CCDC57: variants seen among roughly 807,000 people sequenced by gnomAD.
The protein encoded by CCDC57 is coiled-coil domain containing 57, also known as coiled-coil domain-containing protein 57.
In CCDC57, 118 loss-of-function variants were observed where a neutral mutation model predicts 118.9. The ratio of observed to expected loss-of-function variants is 0.99; its 90% CI spans 0.86 to 1.16. CCDC57 has a LOEUF of 1.16. Ranked by LOEUF, CCDC57 falls within the 50% of genes most tolerant of loss-of-function variation. CCDC57 has a pLI of 0.00. For missense variants in CCDC57, 1,300 were observed against 1,320.7 expected, an observed-to-expected ratio of 0.98 and a Z score of 0.24; for synonymous variants, 527 against 532.9, an observed-to-expected ratio of 0.99 and a Z score of 0.15.
chr17:82,189,186 G>A (rs371857316), intron 7 of CCDC57, among the ~76,000 whole-genome samples: 110 of 152,082 alleles, frequency 7.2e-4, no homozygotes, highest in African/African-American at 1.6e-3. Context: ...GAGGACCACC[G>A]GAGCGTGGGA....
intron 1 of CCDC57, among the ~76,000 whole-genome samples, chr17:82,210,446 C>T (rs555229760): frequency 8.8e-4 from 133 of 150,548 alleles, no homozygotes; most frequent in Non-Finnish European, 1.5e-3. Context: ...CCAAGGCGGG[C>T]GGATCACTTG....
chr17:82,172,317 G>A lies in CCDC57; in HGVS notation c.1729+321C>T, dbSNP rs1407224300. Among the ~76,000 whole-genome samples, 1 of 152,192 alleles carries A rather than the reference G, an allele frequency of 6.6e-6. No homozygotes were observed. Among genetic ancestry groups the A allele is most frequent in the Admixed American group, 6.5e-5 (1 of 15,278 alleles). On this transcript the variant is annotated intron_variant, in intron 12 of 19. Transcript: ENST00000665763. The surrounding 1 kb of genome is among the most constrained non-coding windows in gnomAD (Gnocchi z 5.2). ...AAAGGACTGAGGTCCACCAGCCCCT[G>A]CTACCAACCCATTCTGGGACAGCGC...
intron 17 of CCDC57, among the ~76,000 whole-genome samples, chr17:82,130,202 A>G (rs1206446417): frequency 6.6e-6 from 1 of 150,876 alleles, no homozygotes; most frequent in African/African-American, 2.4e-5. Flanking sequence ...GTCTCAAAAC[A>G]TTTTTTTTTG....
chr17:82,199,477 C>CAAAAAAAA lies in CCDC57; in HGVS notation c.408-1063_408-1056dup, dbSNP rs55713414. 1.4e-4 allele frequency among the ~76,000 whole-genome samples: 12 copies of CAAAAAAAA among 87,718 alleles called. 1 individual carries two copies. Among genetic ancestry groups the CAAAAAAAA allele is most frequent in the East Asian group, 5.8e-4 (1 of 1,736 alleles). 57.5% of individuals were successfully genotyped at this position (87,718 alleles called of 152,430 possible). On this transcript the variant is annotated intron_variant, in intron 3 of 19. Coordinates refer to ENST00000665763, the Ensembl canonical transcript of CCDC57. ...TGGGCGACAGAGCAAGACTCTGTCTCAAAAAAAAAAAAAGAGTGTGAGACT... is the reference window on the plus strand; with the variant it reads ...TGGGCGACAGAGCAAGACTCTGTCTCAAAAAAAAAAAAAAAAAAAAAGAGTGTGAGACT...
rs1332910889 is a variant in CCDC57, at chr17:82,157,957, C to T, written c.2041-9G>A. 1.5e-5 allele frequency: 23 copies of T among 1,550,234 alleles called. No individual in the cohort carries two copies. The highest frequency in any genetic ancestry group is 1.8e-5 in the Non-Finnish European group (21 of 1,147,278). On this transcript the variant is annotated splice_polypyrimidine_tract_variant and intron_variant, in intron 14 of 19. Transcript: ENST00000665763. ...AGGGGTTCCCGCAGCACCTAGGGGT[C>T]ATTTCAAAGGCAGTGTGAGGAATGA...
intron 14 of CCDC57, among the ~76,000 whole-genome samples, chr17:82,162,404 C>G (rs2043457717): frequency 6.6e-6 from 1 of 152,240 alleles, no homozygotes; most frequent in Non-Finnish European, 1.5e-5. Context: ...GGTGGGCTCG[C>G]TGCTGGATGC....
In CCDC57 at chr17:82,160,798, C is replaced by T. The variant is rs141696301; in HGVS notation, c.2040+2402G>A. On this transcript the variant is annotated intron_variant, in intron 14 of 19. Coordinates refer to ENST00000665763, the Ensembl canonical transcript of CCDC57. ...CTGAGGCAGGAGAATTCCTTGAACC[C>T]GGGAGGCGGAGGTTGCAGTCAGCCG... is the stretch of plus-strand genomic sequence containing the variant. 7.1e-3 allele frequency among the ~76,000 whole-genome samples: 1,050 copies of T among 148,240 alleles called. 10 individuals are homozygous for T. Among genetic ancestry groups the T allele is most frequent in the African/African-American group, 0.025 (1,024 of 40,196 alleles).
At chr17:82,140,019 C>T (rs887173123) in intron 16 of CCDC57, among the ~76,000 whole-genome samples, 6 of 152,190 alleles carry the variant, frequency 3.9e-5, no homozygotes, top group Admixed American at 3.9e-4. Context: ...TATGTACAGT[C>T]CACACAAATT....
intron 11 of CCDC57, chr17:82,175,551 C>G (rs1270866044): frequency 6.6e-6 from 1 of 152,238 alleles, no homozygotes; most frequent in Non-Finnish European, 1.5e-5. Flanking sequence ...ATGCAACCAT[C>G]TGTCTCTTAC....
At chr17:82,128,816 C>A (rs1164891541) in intron 17 of CCDC57, among the ~76,000 whole-genome samples, 1 of 152,320 alleles carries the variant, frequency 6.6e-6, no homozygotes, top group East Asian at 1.9e-4. Context: ...GCCTTCTCTG[C>A]AAGGCCAGGG....
intron 13 of CCDC57, among the ~76,000 whole-genome samples, chr17:82,169,130 T>A (rs1020679043): frequency 2.0e-5 from 3 of 152,158 alleles, no homozygotes; most frequent in Non-Finnish European, 4.4e-5. Flanking sequence ...TATTTTATTT[T>A]ACTTTATTTT....
intron 17 of CCDC57, among the ~76,000 whole-genome samples, chr17:82,130,941 A>G (rs2038269032): frequency 6.6e-6 from 1 of 151,198 alleles, no homozygotes; most frequent in East Asian, 2.0e-4. Context: ...CCTCCCGAGT[A>G]GCTGGGATTA....
rs114053806 is a variant in CCDC57 at position 82,179,717 on chromosome 17, C to T, written c.1212-528G>A. On this transcript the variant is annotated intron_variant, in intron 9 of 19. Coordinates refer to ENST00000665763, the Ensembl canonical transcript of CCDC57. Reference sequence around the variant, plus strand: ...CCGGGGGCTTCCTCCAGAAAACCAGCGCACAGATGAGAATGGAAGGAGGAA... The same window carrying T: ...CCGGGGGCTTCCTCCAGAAAACCAGTGCACAGATGAGAATGGAAGGAGGAA... 9.8e-3 allele frequency among the ~76,000 whole-genome samples: 1,489 copies of T among 152,136 alleles called. 21 individuals are homozygous for T. The highest frequency in any genetic ancestry group is 0.034 in the African/African-American group (1,429 of 41,504).
At position 82,157,953 on chromosome 17, in the gene CCDC57, G is replaced by C. The variant is rs1386303067; in HGVS notation, c.2041-5C>G. Reference sequence around the variant, plus strand: ...CTCCAGGGGTTCCCGCAGCACCTAGGGGTCATTTCAAAGGCAGTGTGAGGA... The same window carrying C: ...CTCCAGGGGTTCCCGCAGCACCTAGCGGTCATTTCAAAGGCAGTGTGAGGA... On this transcript the variant is annotated splice_region_variant and splice_polypyrimidine_tract_variant and intron_variant, in intron 14 of 19. Transcript: ENST00000665763. The C allele has an allele frequency of 6.4e-7, 1 of 1,551,508 alleles. No individual in the cohort carries two copies. The highest frequency in any genetic ancestry group is 1.9e-5 in the Admixed American group (1 of 51,338).
intron 16 of CCDC57, among the ~76,000 whole-genome samples, chr17:82,143,284 C>T (rs1414337950): frequency 6.6e-6 from 1 of 152,016 alleles, no homozygotes; most frequent in Non-Finnish European, 1.5e-5. Context: ...AATTACTAAG[C>T]AAGAAAGAAT....
At chr17:82,166,488 G>A (rs6502078) in intron 13 of CCDC57, among the ~76,000 whole-genome samples, 70,822 of 151,512 alleles carry the variant, frequency 0.47, 17,320 homozygotes, top group East Asian at 0.88. Context: ...GCACTCCAGC[G>A]TGGGTGACAG....
chr17:82,196,467 G>C (rs1390520504), intron 4 of CCDC57, among the ~76,000 whole-genome samples: 3 of 152,188 alleles, frequency 2.0e-5, no homozygotes, highest in Non-Finnish European at 4.4e-5. Flanking sequence ...GGGACAACTG[G>C]ACAGTCCACA....
At position 82,172,927 on chromosome 17, in the gene CCDC57, T is replaced by G; in HGVS notation, c.1507-67A>C. 2.1e-6 allele frequency: 3 copies of G among 1,408,414 alleles called. No homozygotes were observed. Among genetic ancestry groups the G allele is most frequent in the Non-Finnish European group, 2.9e-6 (3 of 1,018,066 alleles). 87.2% of individuals were successfully genotyped at this position (1,408,414 alleles called of 1,614,324 possible). On this transcript the variant is annotated intron_variant, in intron 11 of 19. Coordinates refer to ENST00000665763, the Ensembl canonical transcript of CCDC57. This position sits in a 1 kb window ranked among gnomAD's most constrained non-coding sequence, Gnocchi z 5.2. ...TTCCCCAGCTTGTCCTGACAGGCTGTGCCTCCGCTCTCCCCGCGCCCCTCT... is the reference window on the plus strand; with the variant it reads ...TTCCCCAGCTTGTCCTGACAGGCTGGGCCTCCGCTCTCCCCGCGCCCCTCT...
At chr17:82,155,962 G>C (rs543569193) in intron 15 of CCDC57, 45 of 152,320 alleles carry the variant, frequency 3.0e-4, no homozygotes, top group African/African-American at 9.6e-4. Flanking sequence ...TGGGCTGCAG[G>C]TGGCTTCATC....
Sources: gnomAD v4.1 joint callset for allele counts (sites outside exome capture counted in the v4.1 genomes callset) on GRCh38, gnomAD v4.1.1 for gene constraint, Gnocchi (gnomAD v3.1) non-coding constraint, MANE v1.5 for transcripts, NCBI Gene and HGNC (gene_info 2026-07-23, HGNC 2026-07-21) for gene names.